The following CDIP1 variants were observed in gnomAD, a reference collection of about 807,000 sequenced individuals.
The protein encoded by CDIP1 is cell death-inducing p53-target protein 1.
A neutral mutation model predicts 17.7 loss-of-function variants in CDIP1; 9 were observed. The ratio of observed to expected loss-of-function variants is 0.51; its 90% CI spans 0.31 to 0.89. CDIP1 has a LOEUF of 0.89. Among genes scored for constraint, CDIP1 ranks in the 40% least tolerant of loss-of-function variants. The pLI is 0.05. For missense variants in CDIP1, 263 were observed against 277.9 expected (o/e 0.95, Z 0.38); for synonymous variants, 117 against 109.5 (o/e 1.07, Z -0.43).
chr16:4,527,250 G>A (rs2059010383), intron 1 of CDIP1, among the ~76,000 whole-genome samples: 1 of 152,000 alleles, frequency 6.6e-6, no homozygotes, highest in Non-Finnish European at 1.5e-5. Flanking sequence ...AACACGCCTG[G>A]GTAATTTTTT....
intron 1 of CDIP1, among the ~76,000 whole-genome samples, chr16:4,527,082 C>T (rs1291500692): frequency 6.6e-6 from 1 of 150,598 alleles, no homozygotes; most frequent in East Asian, 1.9e-4. Context: ...AAAAAGAAGA[C>T]ACTGTTACTT....
intron 1 of CDIP1, among the ~76,000 whole-genome samples, chr16:4,521,388 G>A (rs1403050981): frequency 2.0e-5 from 3 of 152,076 alleles, no homozygotes. Flanking sequence ...AGAAGTTAAG[G>A]GGTGCGTATC....
chr16:4,531,140 T>A (rs1188556936), intron 1 of CDIP1, among the ~76,000 whole-genome samples: 1 of 152,058 alleles, frequency 6.6e-6, no homozygotes, highest in African/African-American at 2.4e-5. Flanking sequence ...GCAATTCTCA[T>A]GCCTCAGCCT....
intron 1 of CDIP1, among the ~76,000 whole-genome samples, chr16:4,515,913 A>G (rs754576745): frequency 1.4e-4 from 22 of 152,208 alleles, no homozygotes; most frequent in Non-Finnish European, 2.8e-4. Context: ...ATGACCCAGC[A>G]ATTCCACCCC....
At chr16:4,537,844 C>T (rs1437634704) in intron 1 of CDIP1, among the ~76,000 whole-genome samples, 1 of 152,256 alleles carries the variant, frequency 6.6e-6, no homozygotes, top group African/African-American at 2.4e-5. Flanking sequence ...CTCGCTAAGC[C>T]AAGGTCCTCG....
chr16:4,526,837 G>T (rs558652986), intron 1 of CDIP1, among the ~76,000 whole-genome samples: 3 of 152,104 alleles, frequency 2.0e-5, no homozygotes, highest in Non-Finnish European at 2.9e-5. Flanking sequence ...GCCCTGTGTC[G>T]CAGGCAGAGC....
chr16:4,525,294 G>C (rs549355697), intron 1 of CDIP1, among the ~76,000 whole-genome samples: 31 of 152,306 alleles, frequency 2.0e-4, no homozygotes, highest in East Asian at 1.7e-3. Context: ...AGTTAAAACA[G>C]GCCCCGAGAG....
At chr16:4,537,470 G>C (rs2059120175) in intron 1 of CDIP1, among the ~76,000 whole-genome samples, 2 of 152,202 alleles carry the variant, frequency 1.3e-5, no homozygotes, top group African/African-American at 4.8e-5. Context: ...AAGCAGCAAA[G>C]AACCCAGGAG....
At chr16:4,527,480 T>C (rs2059012102) in intron 1 of CDIP1, among the ~76,000 whole-genome samples, 1 of 152,234 alleles carries the variant, frequency 6.6e-6, no homozygotes, top group Non-Finnish European at 1.5e-5. Context: ...CTAGGAACTA[T>C]GATGATGACA....
At position 4,512,547 on chromosome 16, in the gene CDIP1, G is replaced by C; in HGVS notation, c.*25C>G. ...AGCACAGGGGGCCAGACTGACAGGC[G>C]GGGGAGTCCCGAGTCCCAGCTCCGT... is the stretch of plus-strand genomic sequence containing the variant. On this transcript the variant is annotated 3_prime_UTR_variant, in exon 6 of 6. Transcript: ENST00000567695. The surrounding 1 kb of genome is among the most constrained non-coding windows in gnomAD (Gnocchi z 4.6). 1 of 1,528,370 alleles carries C rather than the reference G, an allele frequency of 6.5e-7. No homozygotes were observed. The highest frequency in any genetic ancestry group is 2.3e-5 in the East Asian group (1 of 44,404). The allele number at this position is 1,528,370 out of a possible 1,614,324, so 94.7% of individuals were successfully genotyped here.
intron 1 of CDIP1, among the ~76,000 whole-genome samples, chr16:4,531,352 G>A (rs537885128): frequency 1.3e-5 from 2 of 151,262 alleles, no homozygotes; most frequent in South Asian, 2.1e-4. Flanking sequence ...TTTTAGAGAC[G>A]GGGTTTCGCC....
rs963725132 is a variant in CDIP1 at position 4,512,353 on chromosome 16, G to A, written c.*219C>T. ...CCAACAACACACAAGCTCATTGTCA[G>A]CCCCCTGCCACCCACTGACCCTTGG... On this transcript the variant is annotated 3_prime_UTR_variant, in exon 6 of 6. Coordinates refer to ENST00000567695, the MANE Select transcript of CDIP1 (RefSeq NM_013399.3). The surrounding 1 kb of genome is among the most constrained non-coding windows in gnomAD (Gnocchi z 4.6). 3.4e-6 allele frequency: 2 copies of A among 594,184 alleles called. No individual in the cohort carries two copies. Among genetic ancestry groups the A allele is most frequent in the Non-Finnish European group, 6.1e-6 (2 of 330,226 alleles). 36.8% of individuals were successfully genotyped at this position (594,184 alleles called of 1,614,324 possible). A position where few individuals can be genotyped will look rare whatever the true frequency, so the allele number is the denominator to read the frequency against.
intron 1 of CDIP1, among the ~76,000 whole-genome samples, chr16:4,521,278 T>A (rs2058944958): frequency 6.6e-6 from 1 of 152,114 alleles, no homozygotes; most frequent in Non-Finnish European, 1.5e-5. Context: ...CGTGTTATTA[T>A]TAAAACAGTT....
chr16:4,534,024 A>T (rs865184), intron 1 of CDIP1, among the ~76,000 whole-genome samples: 2 of 152,006 alleles, frequency 1.3e-5, no homozygotes, highest in Non-Finnish European at 2.9e-5. Flanking sequence ...GATCTCGGCT[A>T]GCTGCAACCC....
rs1434922035 is a variant in CDIP1 at position 4,512,747 on chromosome 16, G to A, written c.515+44C>T. On this transcript the variant is annotated intron_variant, in intron 5 of 5. Transcript: ENST00000567695. The surrounding 1 kb of genome is among the most constrained non-coding windows in gnomAD (Gnocchi z 4.6). ...GCGGAGGAGGCAGAGGCAGCCAGTT[G>A]ACCCTGGTGCAGCCCCCACCCTACC... 3 of 1,602,526 alleles carry A rather than the reference G, an allele frequency of 1.9e-6. No individual in the cohort carries two copies. Among genetic ancestry groups the A allele is most frequent in the Middle Eastern group, 1.7e-4 (1 of 6,054 alleles).
In CDIP1 at chr16:4,513,769, C is replaced by T. The variant is rs200779366; in HGVS notation, c.168G>A (p.Pro56=). 4.2e-5 allele frequency: 67 copies of T among 1,611,698 alleles called. No individual in the cohort carries two copies. The East Asian group carries it at 1.3e-3, about 32-fold the overall frequency. The stretch of plus-strand genomic sequence containing the variant: ...CAGGCTGGGGCATTGGGTGACCCGG[C>T]GGCTCATAGGGTGGGGGGCCAATGT... ...PADIGPPPYE[P]PGHPMPQPGF... The change falls in exon 4 of 6, where the codon CCG becomes CCA. Residue 56 remains proline, a synonymous_variant. Transcript: ENST00000567695. This position sits in a 1 kb window ranked among gnomAD's most constrained non-coding sequence, Gnocchi z 4.1.
chr16:4,527,813 A>G (rs1389794715), intron 1 of CDIP1, among the ~76,000 whole-genome samples: 1 of 152,066 alleles, frequency 6.6e-6, no homozygotes, highest in African/African-American at 2.4e-5. Flanking sequence ...AAAAAATGAT[A>G]TAGTTTTGTT....
chr16:4,533,579 A>G (rs989432542), intron 1 of CDIP1: 4 of 152,270 alleles, frequency 2.6e-5, no homozygotes, highest in South Asian at 4.1e-4. Flanking sequence ...CCATGGTTCA[A>G]AGGCCCTCAG....
intron 1 of CDIP1, among the ~76,000 whole-genome samples, chr16:4,534,435 G>A (rs1488899261): frequency 6.6e-6 from 1 of 152,232 alleles, no homozygotes; most frequent in Non-Finnish European, 1.5e-5. Context: ...GGGGCTGGGA[G>A]AGCCCACGTC....
Sources: allele counts gnomAD v4.1 joint callset (sites outside exome capture counted in the v4.1 genomes callset), GRCh38; gene constraint gnomAD v4.1.1; non-coding constraint Gnocchi (gnomAD v3.1); transcripts MANE v1.5; gene names NCBI Gene and HGNC (gene_info 2026-07-23, HGNC 2026-07-21).